Variants in DCC observed in about 807,000 individuals in gnomAD.
DCC encodes the protein netrin receptor DCC.
DCC carries 58 observed loss-of-function variants against 172.5 expected under a neutral mutation model. That is an observed-to-expected ratio of 0.34 (90% CI 0.27 to 0.42). The LOEUF (loss-of-function observed/expected upper bound fraction) is 0.42, where lower values mean the gene tolerates loss of function less well. Ranked by LOEUF, DCC falls within the 10% of genes least tolerant of loss-of-function variation. DCC has a pLI of 1.00. For synonymous variants in DCC, 709 were observed against 644.5 expected, an observed-to-expected ratio of 1.10 and a Z score of -1.52; for missense variants, 1,740 against 1,791.0, an observed-to-expected ratio of 0.97 and a Z score of 0.51.
chr18:52,974,327 T>C (rs558375151), intron 5 of DCC, among the ~76,000 whole-genome samples: 2 of 152,194 alleles, frequency 1.3e-5, no homozygotes, highest in East Asian at 1.9e-4. Flanking sequence ...GGGTGGGAGA[T>C]TGAGGCATGA....
intron 20 of DCC, among the ~76,000 whole-genome samples, chr18:53,410,940 C>CATTT (rs1302840091): frequency 6.6e-6 from 1 of 151,964 alleles, no homozygotes; most frequent in Non-Finnish European, 1.5e-5. Context: ...AATGCTTCAG[C>CATTT]CATTTTATGT....
intron 5 of DCC, among the ~76,000 whole-genome samples, chr18:52,948,313 T>C (rs2040581269): frequency 2.6e-5 from 1 of 38,526 alleles, no homozygotes; most frequent in Non-Finnish European, 4.8e-5. Context: ...ACAGTGTTGA[T>C]GTGTGTGTGT....
At chr18:52,434,518 T>C (rs1789668) in intron 1 of DCC, among the ~76,000 whole-genome samples, 3 of 152,184 alleles carry the variant, frequency 2.0e-5, no homozygotes, top group Non-Finnish European at 4.4e-5. Flanking sequence ...TTTGAGAAAA[T>C]ATACTGATAA....
intron 1 of DCC, among the ~76,000 whole-genome samples, chr18:52,352,103 C>T (rs1984150539): frequency 6.6e-6 from 1 of 152,228 alleles, no homozygotes; most frequent in African/African-American, 2.4e-5. Flanking sequence ...AAATCAACCT[C>T]TGCTTCCCAA....
At chr18:52,796,735 G>T (rs550177912) in intron 2 of DCC, among the ~76,000 whole-genome samples, 1 of 152,008 alleles carries the variant, frequency 6.6e-6, no homozygotes, top group Non-Finnish European at 1.5e-5. Context: ...TTTTTCTCTT[G>T]CTGTTTTTAG....
chr18:53,523,356 T>A (rs1292936944), intron 27 of DCC, among the ~76,000 whole-genome samples: 4 of 152,150 alleles, frequency 2.6e-5, no homozygotes, highest in African/African-American at 9.7e-5. Flanking sequence ...GACAATATGG[T>A]GATTCTTCAA....
chr18:53,359,771 C>A (rs2057923855), intron 15 of DCC, among the ~76,000 whole-genome samples: 1 of 152,130 alleles, frequency 6.6e-6, no homozygotes, highest in African/African-American at 2.4e-5. Context: ...CAGAATTCCT[C>A]AAGGAGAAGC....
At chr18:52,838,004 C>T (rs1262432520) in intron 2 of DCC, among the ~76,000 whole-genome samples, 1 of 152,136 alleles carries the variant, frequency 6.6e-6, no homozygotes, top group African/African-American at 2.4e-5. Context: ...CATCAGATCT[C>T]ATGAGAGCTA....
chr18:52,993,859 C>T (rs893885305), intron 5 of DCC, among the ~76,000 whole-genome samples: 2 of 149,198 alleles, frequency 1.3e-5, no homozygotes, highest in Non-Finnish European at 3.0e-5. Context: ...ATACTCTCCA[C>T]TCTCTCTCTC....
At chr18:52,706,866 A>G (rs2036220291) in intron 1 of DCC, among the ~76,000 whole-genome samples, 1 of 152,158 alleles carries the variant, frequency 6.6e-6, no homozygotes, top group South Asian at 2.1e-4. Context: ...CCTGAGCCCA[A>G]GGTGTCTCCT....
At chr18:53,051,195 A>G (rs2042329650) in intron 5 of DCC, among the ~76,000 whole-genome samples, 1 of 152,068 alleles carries the variant, frequency 6.6e-6, no homozygotes, top group African/African-American at 2.4e-5. Context: ...ATACCATTGC[A>G]CTCCAGCCTG....
At position 52,917,955 on chromosome 18, in the gene DCC, A is replaced by G. The variant is rs577014199; in HGVS notation, c.698-5752A>G. On this transcript the variant is annotated intron_variant, in intron 3 of 28. Transcript: ENST00000442544. ...AAGAGGTATGCTTTTGTAGATTTTA[A>G]TACCAAAATTTGACATTAGAAAAAA... Among the ~76,000 whole-genome samples, 317 of 150,976 alleles carry G rather than the reference A, an allele frequency of 2.1e-3. 1 individual carries two copies. The highest frequency in any genetic ancestry group is 7.3e-3 in the African/African-American group (300 of 41,196).
chr18:53,383,440 T>C (rs1049125752), intron 15 of DCC, among the ~76,000 whole-genome samples: 3 of 150,948 alleles, frequency 2.0e-5, no homozygotes, highest in Non-Finnish European at 4.4e-5. Context: ...TTGCAGATTA[T>C]CCTTATCTCT....
intron 13 of DCC, among the ~76,000 whole-genome samples, chr18:53,320,519 C>T (rs1343014254): frequency 6.6e-6 from 1 of 152,102 alleles, no homozygotes; most frequent in Non-Finnish European, 1.5e-5. Context: ...AACCCCTCTG[C>T]CTCTGTAATC....
rs192200716 is a variant in DCC, at chr18:52,354,686, T to G, written c.91+13808T>G. Among the ~76,000 whole-genome samples, 287 of 152,346 alleles carry G rather than the reference T, an allele frequency of 1.9e-3. 1 individual carries two copies. The highest frequency in any genetic ancestry group is 6.5e-3 in the African/African-American group (272 of 41,582). On this transcript the variant is annotated intron_variant, in intron 1 of 28. Coordinates refer to ENST00000442544, the MANE Select transcript of DCC (RefSeq NM_005215.4). ...ATAAATACTCATTACCAAATTGGTT[T>G]TTATATAATGATTATTCTCAAATTT... is the stretch of plus-strand genomic sequence containing the variant.
rs758797011 is a variant in DCC at position 53,468,002 on chromosome 18, A to G, written c.3728A>G (p.Asn1243Ser). ...KLMIPMDAQS[N>S]NPAVVSAIPV... ...ATGATTCCCATGGATGCCCAGTCCA[A>G]CAATCCTGGTGAGTCAATATTGGTG... The change falls in exon 25 of 29, where the codon AAC becomes AGC. Residue 1243 changes from asparagine to serine, a missense_variant. Asn to Ser is a conservative substitution (Grantham distance 46). This residue lies in a region of DCC where 1,732 missense variants were observed against 1,767.4 expected (regional missense o/e 0.98). Coordinates refer to ENST00000442544, the MANE Select transcript of DCC (RefSeq NM_005215.4). 7 of 1,553,796 alleles carry G rather than the reference A, an allele frequency of 4.5e-6. No individual in the cohort carries two copies. Among genetic ancestry groups the G allele is most frequent in the Admixed American group, 3.3e-5 (2 of 59,920 alleles).
At chr18:52,886,924 T>C (rs2039579049) in intron 2 of DCC, among the ~76,000 whole-genome samples, 1 of 151,996 alleles carries the variant, frequency 6.6e-6, no homozygotes, top group Non-Finnish European at 1.5e-5. Context: ...TGCTTGTAGG[T>C]CCCACAAAAA....
intron 23 of DCC, among the ~76,000 whole-genome samples, chr18:53,457,648 T>A (rs530431099): frequency 1.8e-4 from 28 of 152,278 alleles, no homozygotes; most frequent in African/African-American, 6.5e-4. Flanking sequence ...TGCAGATCAG[T>A]TTGCCGTGGG....
intron 5 of DCC, among the ~76,000 whole-genome samples, chr18:53,019,638 C>T (rs2041852689): frequency 6.6e-6 from 1 of 152,082 alleles, no homozygotes; most frequent in African/African-American, 2.4e-5. Context: ...ATCACATTAT[C>T]TTTTGCTGTG....
Sources: allele counts gnomAD v4.1 joint callset (sites outside exome capture counted in the v4.1 genomes callset), GRCh38; gene constraint gnomAD v4.1.1; regional missense constraint gnomAD v4.1.1; transcripts MANE v1.5; gene names NCBI Gene and HGNC (gene_info 2026-07-23, HGNC 2026-07-21).